Variants in PUM3 observed in about 807,000 individuals in gnomAD.
PUM3 encodes the protein pumilio homolog 3.
A neutral mutation model predicts 84.0 loss-of-function variants in PUM3; 91 were observed. The observed-to-expected ratio is 1.08, with a 90% CI of 0.91 to 1.29. PUM3 has a LOEUF of 1.29. Ranked by LOEUF, PUM3 falls within the 50% of genes most tolerant of loss-of-function variation. PUM3 has a pLI of 0.00. For synonymous variants in PUM3, 321 were observed against 266.7 expected (o/e 1.20, Z -1.98); for missense variants, 1,067 against 767.5 (o/e 1.39, Z -4.61).
intron 3 of PUM3, 151 bp from the exon 4 acceptor site, chr9:2,834,317 A>G (rs1053750158): frequency 8.6e-6 from 5 of 580,674 alleles, no homozygotes; most frequent in African/African-American, 1.9e-5. Context: ...TATATACTTC[A>G]CTTTGCTTTC....
intron 16 of PUM3, among the ~76,000 whole-genome samples, chr9:2,808,814 C>A (rs1821311427): frequency 6.6e-6 from 1 of 152,166 alleles, no homozygotes; most frequent in Admixed American, 6.5e-5. Flanking sequence ...GAATCCATGT[C>A]TTCTTTTGAA....
chr9:2,837,823 A>T (rs2129886542), intron 2 of PUM3, among the ~76,000 whole-genome samples: 1 of 152,296 alleles, frequency 6.6e-6, no homozygotes, highest in African/African-American at 2.4e-5. Context: ...CATTCTTGAA[A>T]TTTGGAAAGT....
intron 16 of PUM3, among the ~76,000 whole-genome samples, chr9:2,808,274 G>A (rs113837863): frequency 2.2e-4 from 33 of 152,306 alleles, no homozygotes; most frequent in African/African-American, 7.9e-4. Context: ...CCTCATGCTT[G>A]GTTGAAATCA....
rs548985724 is a variant in PUM3 at position 2,840,119 on chromosome 9, C to T, written c.-10-1602G>A. On this transcript the variant is annotated intron_variant, in intron 1 of 17. Transcript: ENST00000397885. ...GGCTACACATTTTTTGGAAGACTAC[C>T]AGAGGTCAAGCTTTCTTCTGGTAGT... is the stretch of plus-strand genomic sequence containing the variant. 4.4e-4 allele frequency among the ~76,000 whole-genome samples: 67 copies of T among 152,248 alleles called. 1 individual carries two copies. Among genetic ancestry groups the T allele is most frequent in the African/African-American group, 1.6e-3 (67 of 41,552 alleles).
chr9:2,833,233 T>G, intron 5 of PUM3, 124 bp downstream of exon 5: 1 of 497,696 alleles, frequency 2.0e-6, no homozygotes, highest in East Asian at 3.3e-5. Flanking sequence ...GGAAGATATT[T>G]AAAACTTTTG....
chr9:2,833,263 A>G (rs1816030628), intron 5 of PUM3, 94 bp downstream of exon 5: 3 of 581,708 alleles, frequency 5.2e-6, no homozygotes, highest in Non-Finnish European at 8.9e-6. Flanking sequence ...ACCGGAAACA[A>G]TGATAAGATC....
intron 4 of PUM3, 71 bp downstream of exon 4, chr9:2,833,959 AC>A: frequency 1.4e-6 from 2 of 1,478,944 alleles, no homozygotes. Flanking sequence ...AGGACATCTC[AC>A]TATTTACAAG....
In PUM3 at chr9:2,811,426, G is replaced by A. The variant is rs1271261634; in HGVS notation, c.1570C>T (p.Pro524Ser). The change falls in exon 15 of 18, where the codon CCT becomes TCT. Residue 524 changes from proline (P) to serine (S), a missense_variant. Pro to Ser is a moderately conservative substitution (Grantham distance 74). Coordinates refer to ENST00000397885, the MANE Select transcript of PUM3 (RefSeq NM_014878.5). ...ILGSATGDVQ[P>S]TMNAIASLAA... ...AAGCTGGCGATGGCATTCATGGTAG[G>A]CTGAACGTCTCCAGTGGCAGATCCC... The A allele has an allele frequency of 1.9e-6, 3 of 1,614,158 alleles. No homozygotes were observed. The highest frequency in any genetic ancestry group is 2.2e-5 in the East Asian group (1 of 44,852).
intron 16 of PUM3, among the ~76,000 whole-genome samples, 184 bp downstream of exon 16, chr9:2,810,160 A>G (rs1233700545): frequency 6.6e-6 from 1 of 152,150 alleles, no homozygotes; most frequent in Non-Finnish European, 1.5e-5. Context: ...GTTCTCAGGC[A>G]CAAATATTTC....
chr9:2,811,549 G>C lies in PUM3; in HGVS notation c.1447C>G (p.Leu483Val). The change falls in exon 15 of 18, where the codon CTA becomes GTA. Residue 483 changes from leucine to valine, a missense_variant. Transcript: ENST00000397885. ...KDTEVRRRELLESISPALLSY... is the reference protein window; with the variant it reads ...KDTEVRRRELVESISPALLSY... The stretch of plus-strand genomic sequence containing the variant: ...AACAAAGCTGGAGAAATGGATTCTA[G>C]GAGCTCCCGTCTGCGGACCTCTGTA... 3 of 1,614,094 alleles carry C rather than the reference G, an allele frequency of 1.9e-6. No individual in the cohort carries two copies. The highest frequency in any genetic ancestry group is 2.5e-6 in the Non-Finnish European group (3 of 1,179,970).
At chr9:2,820,655 A>T (rs1162272555) in intron 12 of PUM3, among the ~76,000 whole-genome samples, 1 of 152,150 alleles carries the variant, frequency 6.6e-6, no homozygotes, top group East Asian at 1.9e-4. Context: ...TATATTGCTC[A>T]ATTTCTTTAA....
chr9:2,842,881 T>C (rs1304473775), intron 1 of PUM3, among the ~76,000 whole-genome samples: 1 of 152,160 alleles, frequency 6.6e-6, no homozygotes, highest in African/African-American at 2.4e-5. Flanking sequence ...TCGTCCTCCA[T>C]CTCAGCCAAT....
intron 14 of PUM3, 22 bp from the exon 15 acceptor site, chr9:2,811,605 G>T (rs777359291): frequency 1.3e-6 from 2 of 1,573,322 alleles, no homozygotes; most frequent in South Asian, 1.1e-5. Flanking sequence ...GTTGAACGGG[G>T]TATTAAGGTA....
At chr9:2,842,922 G>C (rs1164291570) in intron 1 of PUM3, among the ~76,000 whole-genome samples, 1 of 152,116 alleles carries the variant, frequency 6.6e-6, no homozygotes, top group Non-Finnish European at 1.5e-5. Flanking sequence ...GCTCAAGTAA[G>C]AAATCTGAGT....
chr9:2,835,576 C>A (rs905131152), intron 3 of PUM3, among the ~76,000 whole-genome samples: 17 of 150,822 alleles, frequency 1.1e-4, no homozygotes, highest in Non-Finnish European at 1.6e-4. Flanking sequence ...CATTCCCTGT[C>A]TGGTAATACA....
intron 17 of PUM3, 137 bp downstream of exon 17, chr9:2,807,677 G>A: frequency 2.4e-6 from 1 of 411,156 alleles, no homozygotes; most frequent in East Asian, 5.3e-5. Flanking sequence ...TATTTGGTAT[G>A]TTTGTCTAGA....
At chr9:2,806,680 G>A (rs573296146) in intron 17 of PUM3, among the ~76,000 whole-genome samples, 1 of 152,218 alleles carries the variant, frequency 6.6e-6, no homozygotes, top group East Asian at 1.9e-4. Flanking sequence ...ATGATTTGTG[G>A]ATTGATTATA....
At chr9:2,812,743 G>C (rs184750796) in intron 13 of PUM3, among the ~76,000 whole-genome samples, 4 of 152,184 alleles carry the variant, frequency 2.6e-5, no homozygotes, top group Admixed American at 2.6e-4. Context: ...TAGCATTACT[G>C]AACAACTCAT....
At chr9:2,812,551 AT>A (rs779806071) in intron 13 of PUM3, among the ~76,000 whole-genome samples, 189 bp from the exon 14 acceptor site, 1 of 152,218 alleles carries the variant, frequency 6.6e-6, no homozygotes, top group Non-Finnish European at 1.5e-5. Context: ...CAACAAAAAA[AT>A]GAATTGATAT....
Sources: allele counts gnomAD v4.1 joint callset (sites outside exome capture counted in the v4.1 genomes callset), GRCh38; gene constraint gnomAD v4.1.1; transcripts MANE v1.5; gene names NCBI Gene and HGNC (gene_info 2026-07-23, HGNC 2026-07-21).